Variants in HDAC4 observed in about 807,000 individuals in gnomAD.
The protein encoded by HDAC4 is histone deacetylase A.
HDAC4 carries 16 observed loss-of-function variants against 135.1 expected under a neutral mutation model. The ratio of observed to expected loss-of-function variants is 0.12; its 90% confidence interval spans 0.08 to 0.18. The LOEUF (loss-of-function observed/expected upper bound fraction) is 0.18. HDAC4 is among the 10% of genes least tolerant of loss of function. The pLI is 1.00. For missense variants in HDAC4, 1,143 were observed against 1,511.8 expected (o/e 0.76, Z 4.05); for synonymous variants, 685 against 653.4 (o/e 1.05, Z -0.74).
chr2:239,079,126 C>T (rs1249685362), intron 22 of HDAC4, among the ~76,000 whole-genome samples: 1 of 152,200 alleles, frequency 6.6e-6, no homozygotes, highest in Admixed American at 6.5e-5. Context: ...AACGGGAGCA[C>T]ATTCCATGAG....
chr2:239,202,496 G>A (rs751258574), intron 3 of HDAC4, among the ~76,000 whole-genome samples: 1 of 152,160 alleles, frequency 6.6e-6, no homozygotes, highest in African/African-American at 2.4e-5. Flanking sequence ...TCCATCTATC[G>A]GGGCGACAGC....
At chr2:239,301,567 G>C (rs1302785211) in intron 2 of HDAC4, among the ~76,000 whole-genome samples, 3 of 150,484 alleles carry the variant, frequency 2.0e-5, no homozygotes, top group Admixed American at 2.0e-4. Context: ...CTGCAGCCTC[G>C]ACCTCCTAGC....
In HDAC4 at chr2:239,068,209, G is replaced by A. The variant is rs890852788; in HGVS notation, c.2869+280C>T. Reference sequence around the variant, plus strand: ...GACCTGCCCCTGGAGGTGGCCTGCAGGTCCCTAGGCACCCGCATCCCAGAG... The same window carrying A: ...GACCTGCCCCTGGAGGTGGCCTGCAAGTCCCTAGGCACCCGCATCCCAGAG... On this transcript the variant is annotated intron_variant, in intron 23 of 26. Coordinates refer to ENST00000543185, the MANE Select transcript of HDAC4 (RefSeq NM_001378414.1). This position sits in a 1 kb window ranked among gnomAD's most constrained non-coding sequence, Gnocchi z 4.4. Among the ~76,000 whole-genome samples, 2 of 152,150 alleles carry A rather than the reference G, an allele frequency of 1.3e-5. No homozygotes were observed. Among genetic ancestry groups the A allele is most frequent in the Non-Finnish European group, 2.9e-5 (2 of 68,006 alleles).
chr2:239,193,490 C>T (rs1242219172), intron 3 of HDAC4, among the ~76,000 whole-genome samples: 1 of 152,202 alleles, frequency 6.6e-6, no homozygotes, highest in Non-Finnish European at 1.5e-5. Context: ...AGCACAGGAG[C>T]TGATGGCAGG....
intron 15 of HDAC4, among the ~76,000 whole-genome samples, chr2:239,107,766 G>A (rs1291646606): frequency 6.6e-6 from 1 of 152,222 alleles, no homozygotes; most frequent in East Asian, 1.9e-4. Flanking sequence ...CTTGAGAAGA[G>A]CCTGCTAGGT....
intron 15 of HDAC4, among the ~76,000 whole-genome samples, chr2:239,104,748 T>A (rs1333692923): frequency 6.6e-6 from 1 of 152,196 alleles, no homozygotes; most frequent in African/African-American, 2.4e-5. Flanking sequence ...ATGTGTGTCC[T>A]CCCCACTCAA....
intron 2 of HDAC4, among the ~76,000 whole-genome samples, chr2:239,347,976 ATGCAC>A (rs1692835051): frequency 6.8e-6 from 1 of 146,848 alleles, no homozygotes; most frequent in African/African-American, 2.5e-5. Flanking sequence ...GTCCCAGCAA[ATGCAC>A]TGCTTCCTAT....
chr2:239,301,471 CT>C (rs764763791), intron 2 of HDAC4, among the ~76,000 whole-genome samples: 101 of 133,674 alleles, frequency 7.6e-4, no homozygotes, highest in East Asian at 1.2e-3. Flanking sequence ...TGCTTTCTTT[CT>C]TTTTTTTTTT....
chr2:239,292,347 C>T (rs2051572763), intron 2 of HDAC4, among the ~76,000 whole-genome samples: 2 of 152,220 alleles, frequency 1.3e-5, no homozygotes, highest in African/African-American at 2.4e-5. Context: ...CGAGGATAAA[C>T]CCCTTTCTAG....
intron 25 of HDAC4, 30 bp from the exon 26 acceptor site, chr2:239,053,631 A>C: frequency 6.2e-7 from 1 of 1,609,366 alleles, no homozygotes; most frequent in Non-Finnish European, 8.5e-7. Flanking sequence ...AAAGTCGCTC[A>C]GTGACTACAA....
chr2:239,209,750 C>T (rs947698371), intron 3 of HDAC4, among the ~76,000 whole-genome samples: 7 of 152,206 alleles, frequency 4.6e-5, no homozygotes, highest in Non-Finnish European at 8.8e-5. Flanking sequence ...AACACAGCAA[C>T]TGACAAAGGA....
At chr2:239,169,053 C>T (rs2043287878) in intron 5 of HDAC4, among the ~76,000 whole-genome samples, 1 of 152,082 alleles carries the variant, frequency 6.6e-6, no homozygotes, top group African/African-American at 2.4e-5. Flanking sequence ...ATTCTGTGAG[C>T]CTCAAGATGG....
At chr2:239,121,984 G>A (rs1417221799) in intron 12 of HDAC4, among the ~76,000 whole-genome samples, 2 of 152,224 alleles carry the variant, frequency 1.3e-5, no homozygotes, top group African/African-American at 4.8e-5. Flanking sequence ...GAAGGCCTTG[G>A]GGACACTGAG....
At chr2:239,126,278 T>TCTGCCC (rs1411678689) in intron 12 of HDAC4, among the ~76,000 whole-genome samples, 178 bp downstream of exon 12, 1 of 152,234 alleles carries the variant, frequency 6.6e-6, no homozygotes, top group African/African-American at 2.4e-5. Flanking sequence ...CAGCATCCCT[T>TCTGCCC]CTGCCCCTGC....
intron 9 of HDAC4, among the ~76,000 whole-genome samples, chr2:239,137,928 G>T (rs1328061943): frequency 6.6e-6 from 1 of 152,092 alleles, no homozygotes; most frequent in Non-Finnish European, 1.5e-5. Context: ...TTTACGTATC[G>T]TGATTTCTAA....
At chr2:239,163,738 G>A (rs567044569) in intron 6 of HDAC4, 65 bp downstream of exon 6, 82 of 1,546,038 alleles carry the variant, frequency 5.3e-5, no homozygotes, top group East Asian at 5.2e-4. Flanking sequence ...CAAATCTACC[G>A]GCGATCAGAC....
chr2:239,197,346 CT>C (rs2153063689), intron 3 of HDAC4, among the ~76,000 whole-genome samples: 1 of 152,334 alleles, frequency 6.6e-6, no homozygotes, highest in African/African-American at 2.4e-5. Flanking sequence ...CTCGATGTCT[CT>C]CTCCGGGTAT....
intron 2 of HDAC4, among the ~76,000 whole-genome samples, chr2:239,276,897 G>A (rs940714918): frequency 1.3e-5 from 2 of 152,162 alleles, no homozygotes; most frequent in Non-Finnish European, 2.9e-5. Flanking sequence ...GTCTGTCACC[G>A]TGCCACAAAA....
intron 2 of HDAC4, among the ~76,000 whole-genome samples, chr2:239,340,274 G>A (rs1692219432): frequency 2.0e-5 from 3 of 152,196 alleles, no homozygotes; most frequent in African/African-American, 7.2e-5. Flanking sequence ...CTGAACCATC[G>A]AGAAATTACG....
Sources: gnomAD v4.1 joint callset for allele counts (sites outside exome capture counted in the v4.1 genomes callset) on GRCh38, gnomAD v4.1.1 for gene constraint, Gnocchi (gnomAD v3.1) non-coding constraint, MANE v1.5 for transcripts, NCBI Gene and HGNC (gene_info 2026-07-23, HGNC 2026-07-21) for gene names.